OTOP1: variants seen among roughly 807,000 people sequenced by gnomAD.
The protein encoded by OTOP1 is otopetrin 1.
In OTOP1, 59 loss-of-function variants were observed where a neutral mutation model predicts 52.9. The ratio of observed to expected loss-of-function variants is 1.12; its 90% CI spans 0.91 to 1.39. The LOEUF (loss-of-function observed/expected upper bound fraction) is 1.39, where lower values mean the gene tolerates loss of function less well. Ranked by LOEUF, OTOP1 falls within the 40% of genes most tolerant of loss-of-function variation. OTOP1 has a pLI of 0.00. For synonymous variants in OTOP1, 317 were observed against 337.7 expected, an observed-to-expected ratio of 0.94 and a Z score of 0.67; for missense variants, 761 against 800.9, an observed-to-expected ratio of 0.95 and a Z score of 0.60.
rs376853212 is a variant in OTOP1 at position 4,222,896 on chromosome 4, C to A, written c.403+3566G>T. On this transcript the variant is annotated intron_variant, in intron 1 of 5. Coordinates refer to ENST00000296358, the MANE Select transcript of OTOP1 (RefSeq NM_177998.3). ...ATTAGCTTCTTGCTTCTTTGAGGAACCCACAGGAATGGCCAGGGCTTTGCA... is the reference window on the plus strand; with the variant it reads ...ATTAGCTTCTTGCTTCTTTGAGGAAACCACAGGAATGGCCAGGGCTTTGCA... Among the ~76,000 whole-genome samples the A allele has an allele frequency of 3.2e-4, 49 of 152,314 alleles. No individual in the cohort carries two copies. In the South Asian group the frequency reaches 7.5e-3, roughly 23 times the overall value.
intron 4 of OTOP1, 49 bp from the exon 5 acceptor site, chr4:4,198,152 G>T: frequency 6.7e-7 from 1 of 1,502,598 alleles, no homozygotes; most frequent in South Asian, 1.2e-5. Context: ...CAGGTGCAAG[G>T]GGGAACAGAA....
Position 4,202,547 on chromosome 4 carries a change from G to T in OTOP1, c.631C>A (p.Leu211Met). ...FGVIHSVFTN[L>M]LLWANGVLNE... is the part of the protein sequence containing the mutation. Reference sequence around the variant, plus strand: ...AGGACGCCATTGGCCCACAGAAGCAGGTTGGTGAACACCGAGTGGATCACT... The same window carrying T: ...AGGACGCCATTGGCCCACAGAAGCATGTTGGTGAACACCGAGTGGATCACT... The change falls in exon 4 of 6, where the codon CTG becomes ATG. Residue 211 changes from leucine (L) to methionine (M), a missense_variant. Leu to Met is a conservative substitution (Grantham distance 15, BLOSUM62 2). Coordinates refer to ENST00000296358, the MANE Select transcript of OTOP1 (RefSeq NM_177998.3). 1 of 1,614,048 alleles carries T rather than the reference G, an allele frequency of 6.2e-7. No homozygotes were observed. Among genetic ancestry groups the T allele is most frequent in the East Asian group, 2.2e-5 (1 of 44,870 alleles).
chr4:4,200,267 G>C (rs1284660721), intron 4 of OTOP1, among the ~76,000 whole-genome samples: 1 of 151,862 alleles, frequency 6.6e-6, no homozygotes, highest in Non-Finnish European at 1.5e-5. Context: ...AGGCCGAGGC[G>C]GGCGGATCAC....
chr4:4,198,141 G>T, intron 4 of OTOP1, 38 bp from the exon 5 acceptor site: 1 of 1,542,814 alleles, frequency 6.5e-7, no homozygotes, highest in Non-Finnish European at 8.9e-7. Flanking sequence ...AGGGCGATTA[G>T]CAGGTGCAAG....
chr4:4,219,663 C>T (rs1261608993), intron 1 of OTOP1, among the ~76,000 whole-genome samples: 4 of 150,272 alleles, frequency 2.7e-5, no homozygotes, highest in African/African-American at 9.8e-5. Context: ...TGCCACTGCA[C>T]TCCAGCCTGG....
intron 1 of OTOP1, among the ~76,000 whole-genome samples, chr4:4,221,004 C>T (rs1275488308): frequency 6.6e-6 from 1 of 151,990 alleles, no homozygotes; most frequent in Non-Finnish European, 1.5e-5. Context: ...ACCCTACCAT[C>T]ACCAGCTGGT....
At chr4:4,194,825 C>G (rs1327615138) in intron 5 of OTOP1, among the ~76,000 whole-genome samples, 1 of 152,184 alleles carries the variant, frequency 6.6e-6, no homozygotes, top group Non-Finnish European at 1.5e-5. Context: ...GTGGCAAAGG[C>G]TGCTTCCCCC....
chr4:4,198,076 T>C lies in OTOP1; in HGVS notation c.758A>G (p.Asn253Ser), dbSNP rs1339484070. 6.2e-7 allele frequency: 1 copy of C among 1,613,862 alleles called. No individual in the cohort carries two copies. Among genetic ancestry groups the C allele is most frequent in the Non-Finnish European group, 8.5e-7 (1 of 1,179,920 alleles). The change falls in exon 5 of 6, where the codon AAC (asparagine) becomes AGC (serine). Residue 253 changes from asparagine to serine, a missense_variant. Transcript: ENST00000296358. Reference sequence around the variant, plus strand: ...AGTGCACAGAGTTGGGGGCGTGCAGTTACACTGCGGTGTGTGGTCATCTAA... The same window carrying C: ...AGTGCACAGAGTTGGGGGCGTGCAGCTACACTGCGGTGTGTGGTCATCTAA... ...TVLDDHTPQC[N>S]CTPPTLCTAI...
chr4:4,196,515 C>A (rs1716629898), intron 5 of OTOP1, among the ~76,000 whole-genome samples: 1 of 152,200 alleles, frequency 6.6e-6, no homozygotes, highest in South Asian at 2.1e-4. Context: ...CAAGATCGCA[C>A]CATTGCACTG....
chr4:4,223,403 A>G (rs1354150064), intron 1 of OTOP1, among the ~76,000 whole-genome samples: 2 of 127,976 alleles, frequency 1.6e-5, no homozygotes, highest in African/African-American at 6.5e-5. Context: ...GGATGGATGG[A>G]CGGACAGATG....
chr4:4,191,565 G>T (rs1426091272), intron 5 of OTOP1, among the ~76,000 whole-genome samples: 1 of 152,238 alleles, frequency 6.6e-6, no homozygotes, highest in East Asian at 1.9e-4. Context: ...CCCACCGGGG[G>T]TTTTATACCA....
In OTOP1 at chr4:4,226,467, A is replaced by G; in HGVS notation, c.398T>C (p.Leu133Pro). Residue 133 changes from leucine (L) to proline (P), a missense_variant, in exon 1 of 6, where the codon CTG (leucine) becomes CCG (proline). Leu to Pro is a moderately conservative substitution (Grantham distance 98). Coordinates refer to ENST00000296358, the MANE Select transcript of OTOP1 (RefSeq NM_177998.3). ...CGCCCGGCGCCTGGACTCACCGCGC[A>G]GCCAGCCGGCACCCGCGTGCGTGTC... ...LKDTHAGAGW[L>P]RGSITLFAVI... is the part of the protein sequence containing the mutation. 6.7e-7 allele frequency: 1 copy of G among 1,496,646 alleles called. No individual in the cohort carries two copies. Among genetic ancestry groups the G allele is most frequent in the Non-Finnish European group, 8.8e-7 (1 of 1,130,320 alleles). 92.7% of individuals were successfully genotyped at this position (1,496,646 alleles called of 1,614,324 possible).
At chr4:4,219,396 C>T (rs192473352) in intron 1 of OTOP1, among the ~76,000 whole-genome samples, 10 of 152,194 alleles carry the variant, frequency 6.6e-5, no homozygotes, top group Non-Finnish European at 1.2e-4. Flanking sequence ...CCTCCTTTAT[C>T]GCTACATATG....
rs769118497 is a variant in OTOP1 at position 4,188,919 on chromosome 4, C to T, written c.1723G>A (p.Glu575Lys). 7 of 1,613,714 alleles carry T rather than the reference C, an allele frequency of 4.3e-6. No homozygotes were observed. The African/African-American group carries it at 9.3e-5, about 22-fold the overall frequency. The change falls in exon 6 of 6, where the codon GAG (glutamate) becomes AAG (lysine). Residue 575 changes from glutamate to lysine, a missense_variant. Around this residue, in one of 3 missense-constraint regions of OTOP1, gnomAD observed 632 missense variants for 619.5 expected, o/e 1.02. Coordinates refer to ENST00000296358, the MANE Select transcript of OTOP1 (RefSeq NM_177998.3). Reference sequence around the variant, plus strand: ...CAGGGTTCAAAGCCAAAGACAATCTCCTCCAATCCATTGTCATACTCAGGT... The same window carrying T: ...CAGGGTTCAAAGCCAAAGACAATCTTCTCCAATCCATTGTCATACTCAGGT... ...CRPEYDNGLE[E>K]IVFGFEPWII...
chr4:4,200,640 A>G (rs1716762848), intron 4 of OTOP1, among the ~76,000 whole-genome samples: 1 of 146,104 alleles, frequency 6.8e-6, no homozygotes, highest in African/African-American at 2.6e-5. Context: ...TGCAGCCTTG[A>G]CTTCTTGGGC....
At chr4:4,217,224 A>G (rs1165723140) in intron 1 of OTOP1, among the ~76,000 whole-genome samples, 1 of 152,234 alleles carries the variant, frequency 6.6e-6, no homozygotes, top group East Asian at 1.9e-4. Flanking sequence ...CCTACTATGC[A>G]TGAGGCATTG....
chr4:4,195,452 G>A (rs371726575), intron 5 of OTOP1, among the ~76,000 whole-genome samples: 4 of 152,198 alleles, frequency 2.6e-5, no homozygotes, highest in African/African-American at 9.7e-5. Context: ...CCCTTGCAGT[G>A]AGGGGTGCCC....
chr4:4,189,881 G>A lies in OTOP1; in HGVS notation c.1669-908C>T, dbSNP rs1430757180. On this transcript the variant is annotated intron_variant, in intron 5 of 5. Coordinates refer to ENST00000296358, the MANE Select transcript of OTOP1 (RefSeq NM_177998.3). ...GGAAACAAATCCTCTGCCACCTCTC[G>A]CAAAGTCAAGCCTTGAAATGAATGC... Among the ~76,000 whole-genome samples the A allele has an allele frequency of 1.2e-4, 18 of 152,318 alleles. No individual in the cohort carries two copies. In the East Asian group the frequency reaches 2.7e-3, roughly 23 times the overall value.
At chr4:4,219,572 G>A (rs547275724) in intron 1 of OTOP1, among the ~76,000 whole-genome samples, 1 of 151,864 alleles carries the variant, frequency 6.6e-6, no homozygotes, top group East Asian at 1.9e-4. Context: ...CGTGGTGGCG[G>A]GTGCCTCCAT....
Sources: gnomAD v4.1 joint callset for allele counts (sites outside exome capture counted in the v4.1 genomes callset) on GRCh38, gnomAD v4.1.1 for gene constraint, gnomAD v4.1.1 regional missense constraint, MANE v1.5 for transcripts, NCBI Gene and HGNC (gene_info 2026-07-23, HGNC 2026-07-21) for gene names.